The following KCNQ5 variants were observed in gnomAD, a reference collection of about 807,000 sequenced individuals.
KCNQ5 encodes potassium voltage-gated channel subfamily KQT member 5.
In KCNQ5, 30 loss-of-function variants were observed where a neutral mutation model predicts 98.2. That is an observed-to-expected ratio of 0.31 (90% confidence interval 0.23 to 0.41). KCNQ5 has a LOEUF of 0.41. Among genes scored for constraint, KCNQ5 ranks in the 10% least tolerant of loss-of-function variants. The pLI is 1.00. For missense variants in KCNQ5, 835 were observed against 1,182.5 expected, an observed-to-expected ratio of 0.71 and a Z score of 4.31; for synonymous variants, 458 against 449.4, an observed-to-expected ratio of 1.02 and a Z score of -0.24.
intron 1 of KCNQ5, among the ~76,000 whole-genome samples, chr6:72,808,942 G>GT (rs1775092031): frequency 6.6e-6 from 1 of 151,308 alleles, no homozygotes; most frequent in African/African-American, 2.4e-5. Context: ...ACATGCACAC[G>GT]TATGTTTATT....
chr6:73,136,523 A>G (rs1452279334), intron 10 of KCNQ5: 2 of 152,220 alleles, frequency 1.3e-5, no homozygotes, highest in Non-Finnish European at 2.9e-5. Flanking sequence ...TTGTTTGTTT[A>G]CAAAAGAATT....
At chr6:72,987,372 G>A (rs1768835763) in intron 1 of KCNQ5, 1 of 719,632 alleles carries the variant, frequency 1.4e-6, no homozygotes, top group South Asian at 1.3e-5. Flanking sequence ...GATCGATCGA[G>A]AGTCAGGCAA....
intron 1 of KCNQ5, among the ~76,000 whole-genome samples, chr6:72,906,646 C>T (rs1430805077): frequency 2.0e-5 from 3 of 152,234 alleles, no homozygotes; most frequent in Admixed American, 6.5e-5. Context: ...TCAGAATCTT[C>T]ACCTGCAAAC....
chr6:73,157,792 G>A (rs960536172), intron 10 of KCNQ5: 1 of 779,060 alleles, frequency 1.3e-6, no homozygotes, highest in Non-Finnish European at 2.4e-6. Context: ...ATTTGGAGTT[G>A]CCATTAGCTT....
intron 1 of KCNQ5, among the ~76,000 whole-genome samples, chr6:72,713,149 A>G (rs759866249): frequency 7.2e-5 from 11 of 152,206 alleles, no homozygotes; most frequent in Non-Finnish European, 1.5e-4. Flanking sequence ...ATATCAGGTT[A>G]CACATTTGAA....
chr6:72,958,274 G>T (rs982574628), intron 1 of KCNQ5, among the ~76,000 whole-genome samples: 2 of 152,160 alleles, frequency 1.3e-5, no homozygotes, highest in Non-Finnish European at 2.9e-5. Context: ...TTACCAGTTG[G>T]GAAGATGAGT....
At chr6:72,901,461 T>A (rs910280965) in intron 1 of KCNQ5, among the ~76,000 whole-genome samples, 2 of 152,170 alleles carry the variant, frequency 1.3e-5, no homozygotes, top group African/African-American at 2.4e-5. Flanking sequence ...TGTTATCTTC[T>A]AGATTTTATA....
At chr6:72,990,677 A>G (rs1385573296) in intron 1 of KCNQ5, among the ~76,000 whole-genome samples, 1 of 121,458 alleles carries the variant, frequency 8.2e-6, no homozygotes, top group East Asian at 2.3e-4. Flanking sequence ...TGCCCTGGCC[A>G]GAACTTCCAA....
chr6:72,829,453 C>CTA, intron 1 of KCNQ5, among the ~76,000 whole-genome samples: 1 of 151,764 alleles, frequency 6.6e-6, no homozygotes, highest in African/African-American at 2.4e-5. Flanking sequence ...CTTCTCTTCT[C>CTA]TCTCTCTCCT....
In KCNQ5 at chr6:73,003,965, C is replaced by T; in HGVS notation, c.456C>T (p.His152=). 6.2e-7 allele frequency: 1 copy of T among 1,613,084 alleles called. No individual in the cohort carries two copies. The highest frequency in any genetic ancestry group is 8.5e-7 in the Non-Finnish European group (1 of 1,179,256). ...ILSVFSTIPE[H]TKLASSCLLI... is the part of the protein sequence containing the mutation. ...CAGTGTTTTCTACCATCCCTGAGCACACAAAATTGGCCTCAAGTTGCCTCT... is the reference window on the plus strand; with the variant it reads ...CAGTGTTTTCTACCATCCCTGAGCATACAAAATTGGCCTCAAGTTGCCTCT... The change falls in exon 2 of 14, where the codon CAC becomes CAT. Residue 152 remains histidine, a synonymous_variant. Transcript: ENST00000370398.
chr6:72,938,828 C>G (rs1766081732), intron 1 of KCNQ5, among the ~76,000 whole-genome samples: 1 of 152,152 alleles, frequency 6.6e-6, no homozygotes, highest in Admixed American at 6.5e-5. Flanking sequence ...AAGAAGGCTA[C>G]AGTATGCTAG....
intron 1 of KCNQ5, among the ~76,000 whole-genome samples, chr6:72,832,262 A>G (rs1019025129): frequency 4.6e-5 from 7 of 152,172 alleles, no homozygotes; most frequent in Admixed American, 1.3e-4. Flanking sequence ...TGGAAGAATG[A>G]GAGGAAAGAA....
At chr6:72,705,728 T>G (rs1769043456) in intron 1 of KCNQ5, among the ~76,000 whole-genome samples, 1 of 152,058 alleles carries the variant, frequency 6.6e-6, no homozygotes, top group African/African-American at 2.4e-5. Context: ...TCAAAGCAAT[T>G]ATCAGACCTA....
intron 1 of KCNQ5, among the ~76,000 whole-genome samples, chr6:72,862,648 G>C (rs1353697554): frequency 1.3e-5 from 2 of 151,944 alleles, no homozygotes; most frequent in South Asian, 2.1e-4. Context: ...TTATTTTTGA[G>C]ACAGGGTCTC....
At chr6:72,847,634 C>A (rs1284521594) in intron 1 of KCNQ5, among the ~76,000 whole-genome samples, 1 of 152,222 alleles carries the variant, frequency 6.6e-6, no homozygotes, top group Non-Finnish European at 1.5e-5. Context: ...TCCCAATGAG[C>A]TTTGCTCCTC....
rs865883521 is a variant in KCNQ5, at chr6:73,050,246, A to C, written c.616+8184A>C. Reference sequence around the variant, plus strand: ...AGACAAAGAGAAAGGAAGGAAGGAAAGAAGGAAGGAGGGAAGGAAGGAAGG... The same window carrying C: ...AGACAAAGAGAAAGGAAGGAAGGAACGAAGGAAGGAGGGAAGGAAGGAAGG... On this transcript the variant is annotated intron_variant, in intron 3 of 13. Coordinates refer to ENST00000370398, the MANE Select transcript of KCNQ5 (RefSeq NM_019842.4). Among the ~76,000 whole-genome samples, 14 of 101,784 alleles carry C rather than the reference A, an allele frequency of 1.4e-4. No homozygotes were observed. The South Asian group carries it at 5.6e-3, about 41-fold the overall frequency. 66.8% of individuals were successfully genotyped at this position (101,784 alleles called of 152,430 possible). A position where few individuals can be genotyped will look rare whatever the true frequency, so the allele number is the denominator to read the frequency against.
chr6:72,878,394 T>C (rs940817439), intron 1 of KCNQ5, among the ~76,000 whole-genome samples: 1 of 151,890 alleles, frequency 6.6e-6, no homozygotes, highest in Non-Finnish European at 1.5e-5. Flanking sequence ...TCTTTTTTGG[T>C]ACTCTGATTG....
chr6:72,937,905 A>G (rs777689159), intron 1 of KCNQ5, among the ~76,000 whole-genome samples: 1 of 152,214 alleles, frequency 6.6e-6, no homozygotes, highest in Non-Finnish European at 1.5e-5. Flanking sequence ...TAATTTGACC[A>G]TGATGGAGTT....
At chr6:72,707,324 T>C (rs1244914390) in intron 1 of KCNQ5, among the ~76,000 whole-genome samples, 1 of 152,218 alleles carries the variant, frequency 6.6e-6, no homozygotes, top group Non-Finnish European at 1.5e-5. Context: ...TATAAATCAG[T>C]ACTAATTTGT....
Sources: allele counts gnomAD v4.1 joint callset (sites outside exome capture counted in the v4.1 genomes callset), GRCh38; gene constraint gnomAD v4.1.1; transcripts MANE v1.5; gene names NCBI Gene and HGNC (gene_info 2026-07-23, HGNC 2026-07-21).